APBB2: variants seen among roughly 807,000 people sequenced by gnomAD.
APBB2 encodes Fe65-like 1.
In APBB2, 38 loss-of-function variants were observed where a neutral mutation model predicts 82.5. That is an observed-to-expected ratio of 0.46 (90% confidence interval 0.36 to 0.60). The LOEUF (loss-of-function observed/expected upper bound fraction) is 0.60, where lower values mean the gene tolerates loss of function less well. Ranked by LOEUF, APBB2 falls within the 20% of genes least tolerant of loss-of-function variation. The probability of loss-of-function intolerance (pLI) is 0.00; values close to 1 mark genes in which losing one functional copy is unlikely to be tolerated. For synonymous variants in APBB2, 341 were observed against 368.2 expected (o/e 0.93, Z 0.85); for missense variants, 772 against 972.3 (o/e 0.79, Z 2.74).
intron 1 of APBB2, among the ~76,000 whole-genome samples, chr4:41,201,873 C>T (rs115876729): frequency 0.014 from 2,094 of 152,212 alleles, 58 homozygotes; most frequent in African/African-American, 0.046. Flanking sequence ...AAAAATACGC[C>T]CCACATAGAT....
chr4:40,843,705 T>C (rs1756656634), intron 12 of APBB2, among the ~76,000 whole-genome samples: 1 of 152,238 alleles, frequency 6.6e-6, no homozygotes, highest in Non-Finnish European at 1.5e-5. Flanking sequence ...ACAGGACTAA[T>C]ATTAATGATT....
At chr4:40,935,780 A>G (rs958332020) in intron 7 of APBB2, among the ~76,000 whole-genome samples, 5 of 152,058 alleles carry the variant, frequency 3.3e-5, no homozygotes, top group African/African-American at 1.2e-4. Context: ...TTTTGCTTCA[A>G]AAGCTTCTTC....
In APBB2 at chr4:40,821,916, C is replaced by A; in HGVS notation, c.2067G>T (p.Glu689Asp). Reference protein sequence around the residue: ...QRFECHVFWCEPNAGNVSEAV... With the variant: ...QRFECHVFWCDPNAGNVSEAV... ...CCTCAGACACGTTACCAGCATTAGGCTCGCACCAGAAAACGTGGCACTCAA... is the reference window on the plus strand; with the variant it reads ...CCTCAGACACGTTACCAGCATTAGGATCGCACCAGAAAACGTGGCACTCAA... The change falls in exon 17 of 18, where the codon GAG becomes GAT. Residue 689 changes from glutamate to aspartate, a missense_variant. Glu to Asp is a conservative substitution (Grantham distance 45, BLOSUM62 2). Transcript: ENST00000508593. 1 of 1,614,066 alleles carries A rather than the reference C, an allele frequency of 6.2e-7. No homozygotes were observed. The highest frequency in any genetic ancestry group is 8.5e-7 in the Non-Finnish European group (1 of 1,180,048).
At chr4:40,873,949 GTTTA>G (rs1475435226) in intron 12 of APBB2, among the ~76,000 whole-genome samples, 2 of 152,146 alleles carry the variant, frequency 1.3e-5, no homozygotes, top group East Asian at 3.8e-4. Context: ...ATTGAACTCT[GTTTA>G]TTTATCAAAA....
chr4:40,943,863 G>C (rs1163293935), intron 7 of APBB2, among the ~76,000 whole-genome samples: 1 of 152,226 alleles, frequency 6.6e-6, no homozygotes. Flanking sequence ...CTGAGGTCCA[G>C]GCTGGGTAAA....
intron 10 of APBB2, among the ~76,000 whole-genome samples, chr4:40,929,680 A>G (rs1484137387): frequency 6.6e-6 from 1 of 152,198 alleles, no homozygotes; most frequent in Non-Finnish European, 1.5e-5. Context: ...GACAAAGCCT[A>G]GAGTGAACTG....
At chr4:41,168,194 G>A (rs994353233) in intron 1 of APBB2, among the ~76,000 whole-genome samples, 128 of 151,044 alleles carry the variant, frequency 8.5e-4, no homozygotes, top group African/African-American at 2.9e-3. Flanking sequence ...GCATGAACCC[G>A]GGAGGCGGAG....
intron 2 of APBB2, among the ~76,000 whole-genome samples, chr4:41,125,102 G>C (rs189661966): frequency 5.8e-4 from 88 of 152,276 alleles, no homozygotes; most frequent in African/African-American, 2.0e-3. Context: ...TTTGATTGCA[G>C]GTGCTGCTGG....
chr4:41,209,123 T>C (rs1778687518), intron 1 of APBB2, among the ~76,000 whole-genome samples: 1 of 152,034 alleles, frequency 6.6e-6, no homozygotes, highest in South Asian at 2.1e-4. Flanking sequence ...AATGACCCAC[T>C]CCTAACAGGG....
At chr4:40,851,863 T>C (rs1358745601) in intron 12 of APBB2, among the ~76,000 whole-genome samples, 1 of 151,518 alleles carries the variant, frequency 6.6e-6, no homozygotes, top group African/African-American at 2.4e-5. Context: ...CAGAGAATCC[T>C]ATCAGAAACT....
intron 2 of APBB2, among the ~76,000 whole-genome samples, chr4:41,133,933 G>C (rs568672724): frequency 1.3e-5 from 2 of 152,098 alleles, no homozygotes; most frequent in African/African-American, 2.4e-5. Flanking sequence ...GGAGTAGATG[G>C]CTGGGCCACA....
At chr4:40,843,458 T>C (rs952116557) in intron 12 of APBB2, among the ~76,000 whole-genome samples, 27 of 141,358 alleles carry the variant, frequency 1.9e-4, no homozygotes, top group African/African-American at 6.8e-4. Context: ...AAAACAAGCA[T>C]GGTCTTATAA....
At chr4:41,149,529 ATC>A (rs541838141) in intron 1 of APBB2, among the ~76,000 whole-genome samples, 53 of 152,262 alleles carry the variant, frequency 3.5e-4, no homozygotes, top group African/African-American at 1.2e-3. Flanking sequence ...CTACACATTA[ATC>A]TCTAATAATC....
chr4:41,100,618 A>T (rs1436511473), intron 3 of APBB2, 21 bp downstream of exon 3: 1 of 152,228 alleles, frequency 6.6e-6, no homozygotes, highest in Non-Finnish European at 1.5e-5. Context: ...ATTTTTTAAA[A>T]GCAAGTTTAA....
intron 17 of APBB2, among the ~76,000 whole-genome samples, chr4:40,817,794 T>C (rs1746311525): frequency 6.6e-6 from 1 of 152,156 alleles, no homozygotes; most frequent in Non-Finnish European, 1.5e-5. Context: ...TCATACCCCT[T>C]AGGCCACAAA....
chr4:41,164,602 C>A (rs988728085), intron 1 of APBB2, among the ~76,000 whole-genome samples: 1 of 151,634 alleles, frequency 6.6e-6, no homozygotes, highest in Non-Finnish European at 1.5e-5. Context: ...TGATAAGTCC[C>A]TTTGAAAAAC....
intron 12 of APBB2, among the ~76,000 whole-genome samples, chr4:40,860,522 G>C (rs554301970): frequency 6.6e-6 from 1 of 152,276 alleles, no homozygotes; most frequent in Non-Finnish European, 1.5e-5. Context: ...GAACTTCCCT[G>C]GACTCTGTCC....
intron 6 of APBB2, among the ~76,000 whole-genome samples, chr4:40,996,121 G>C (rs1248290892): frequency 6.6e-6 from 1 of 152,196 alleles, no homozygotes; most frequent in Non-Finnish European, 1.5e-5. Flanking sequence ...CTTTCTACAA[G>C]TGGCCCCTTC....
chr4:40,907,813 C>T (rs1777454018), intron 10 of APBB2, among the ~76,000 whole-genome samples: 1 of 151,410 alleles, frequency 6.6e-6, no homozygotes, highest in Admixed American at 6.6e-5. Context: ...TGTGCACCAC[C>T]ATGCCTGCTA....
Sources: allele counts gnomAD v4.1 joint callset (sites outside exome capture counted in the v4.1 genomes callset), GRCh38; gene constraint gnomAD v4.1.1; transcripts MANE v1.5; gene names NCBI Gene and HGNC (gene_info 2026-07-23, HGNC 2026-07-21).